Variants in NCK2 observed in about 807,000 individuals in gnomAD.
The protein encoded by NCK2 is NCK adaptor protein 2.
NCK2 carries 16 observed loss-of-function variants against 33.9 expected under a neutral mutation model. That is an observed-to-expected ratio of 0.47 (90% confidence interval 0.32 to 0.72). The LOEUF (loss-of-function observed/expected upper bound fraction) is 0.72. Ranked by LOEUF, NCK2 falls within the 30% of genes least tolerant of loss-of-function variation. The probability of loss-of-function intolerance (pLI) is 0.03; values close to 1 mark genes in which losing one functional copy is unlikely to be tolerated. For missense variants in NCK2, 418 were observed against 537.3 expected (o/e 0.78, Z 2.19); for synonymous variants, 273 against 239.9 (o/e 1.14, Z -1.27).
At chr2:105,855,871 CT>C (rs1241338221) in intron 3 of NCK2, 14 of 133,280 alleles carry the variant, frequency 1.1e-4, no homozygotes, top group African/African-American at 3.5e-4. Flanking sequence ...GTCTCACACT[CT>C]TGCCCAGGCT....
At chr2:105,834,022 T>A (rs1489728615) in intron 2 of NCK2, among the ~76,000 whole-genome samples, 2 of 152,246 alleles carry the variant, frequency 1.3e-5, no homozygotes, top group African/African-American at 4.8e-5. Flanking sequence ...TGACTTTGAT[T>A]TATAAAAATT....
chr2:105,797,927 T>G (rs992628260), intron 1 of NCK2, among the ~76,000 whole-genome samples: 1 of 152,192 alleles, frequency 6.6e-6, no homozygotes, highest in Admixed American at 6.5e-5. Flanking sequence ...CAGCAGATCT[T>G]TAAGTGTTTA....
At chr2:105,820,305 C>A (rs1675676294) in intron 2 of NCK2, among the ~76,000 whole-genome samples, 1 of 152,178 alleles carries the variant, frequency 6.6e-6, no homozygotes, top group Non-Finnish European at 1.5e-5. Flanking sequence ...CTCGGTCAGC[C>A]ATACACTTCG....
At chr2:105,765,786 G>GGTGTGT (rs56917992) in intron 1 of NCK2, among the ~76,000 whole-genome samples, 127 of 147,338 alleles carry the variant, frequency 8.6e-4, no homozygotes, top group East Asian at 5.7e-3. Flanking sequence ...TAGAATAGGG[G>GGTGTGT]GTGTGTGTGT....
chr2:105,793,373 G>A (rs1410119617), intron 1 of NCK2, among the ~76,000 whole-genome samples: 2 of 152,160 alleles, frequency 1.3e-5, no homozygotes, highest in South Asian at 2.1e-4. Context: ...TGAAGTTAAA[G>A]GTTCTTCAGA....
At chr2:105,880,285 A>AT (rs756617702) in intron 3 of NCK2, among the ~76,000 whole-genome samples, 5 of 152,204 alleles carry the variant, frequency 3.3e-5, no homozygotes, top group South Asian at 2.1e-4. Flanking sequence ...CATTAAAGTG[A>AT]TTTTTTATGA....
intron 1 of NCK2, among the ~76,000 whole-genome samples, chr2:105,751,483 A>G (rs1275670126): frequency 3.9e-5 from 6 of 152,276 alleles, no homozygotes; most frequent in African/African-American, 1.2e-4. Flanking sequence ...CATGGCAGTC[A>G]TGGGCTTGCA....
At chr2:105,757,316 C>G (rs1309766950) in intron 1 of NCK2, among the ~76,000 whole-genome samples, 1 of 152,142 alleles carries the variant, frequency 6.6e-6, no homozygotes, top group Non-Finnish European at 1.5e-5. Context: ...CCCCAACTTT[C>G]GCTGTGTTAA....
chr2:105,837,540 A>G (rs1676478112), intron 2 of NCK2, among the ~76,000 whole-genome samples: 1 of 151,940 alleles, frequency 6.6e-6, no homozygotes, highest in Admixed American at 6.5e-5. Flanking sequence ...CTCTTCTTTA[A>G]CTGTCATAAG....
intron 3 of NCK2, among the ~76,000 whole-genome samples, chr2:105,871,627 C>T (rs1678014495): frequency 6.6e-6 from 1 of 152,008 alleles, no homozygotes; most frequent in African/African-American, 2.4e-5. Context: ...TCCCCAGTGG[C>T]TATCATAGGC....
At chr2:105,813,856 G>C (rs1054817793) in intron 1 of NCK2, among the ~76,000 whole-genome samples, 2 of 152,156 alleles carry the variant, frequency 1.3e-5, no homozygotes, top group African/African-American at 2.4e-5. Flanking sequence ...GAAGAGATAC[G>C]TACGGTATCA....
chr2:105,841,536 T>C (rs1676645948), intron 2 of NCK2, among the ~76,000 whole-genome samples: 1 of 152,190 alleles, frequency 6.6e-6, no homozygotes, highest in Non-Finnish European at 1.5e-5. Flanking sequence ...TTTTTGGGTT[T>C]TTATGGAAGC....
At chr2:105,857,933 T>C (rs138278396) in intron 3 of NCK2, among the ~76,000 whole-genome samples, 53 of 152,326 alleles carry the variant, frequency 3.5e-4, no homozygotes, top group African/African-American at 1.2e-3. Flanking sequence ...GCAAAGCTTA[T>C]AGATGTGGCG....
At chr2:105,850,234 A>G (rs1419002875) in intron 2 of NCK2, among the ~76,000 whole-genome samples, 2 of 152,114 alleles carry the variant, frequency 1.3e-5, no homozygotes, top group Non-Finnish European at 2.9e-5. Context: ...CTCTATGACC[A>G]TTTTTTAATG....
At chr2:105,782,136 C>G (rs746216795) in intron 1 of NCK2, among the ~76,000 whole-genome samples, 2 of 152,296 alleles carry the variant, frequency 1.3e-5, no homozygotes, top group South Asian at 4.1e-4. Flanking sequence ...TTTGGGCTTC[C>G]GCGAGAGTGG....
rs144223041 is a variant in NCK2 at position 105,863,701 on chromosome 2, T to C, written c.226+8412T>C. 5.4e-4 allele frequency among the ~76,000 whole-genome samples: 83 copies of C among 152,294 alleles called. 1 individual carries two copies. In the East Asian group the frequency reaches 0.016, roughly 29 times the overall value. ...CCAATGGGAAACTAGGGCTGAGTTA[T>C]GCAGCTCGGGCACCTGTGCTTTCAG... On this transcript the variant is annotated intron_variant, in intron 3 of 4. Coordinates refer to ENST00000233154, the MANE Select transcript of NCK2 (RefSeq NM_003581.5).
At chr2:105,854,292 G>A (rs1291541198) in intron 2 of NCK2, among the ~76,000 whole-genome samples, 1 of 152,080 alleles carries the variant, frequency 6.6e-6, no homozygotes, top group African/African-American at 2.4e-5. Context: ...TTCCAAATTT[G>A]AGCAATTATG....
At chr2:105,752,285 T>C (rs964606279) in intron 1 of NCK2, among the ~76,000 whole-genome samples, 2 of 152,242 alleles carry the variant, frequency 1.3e-5, no homozygotes, top group African/African-American at 2.4e-5. Context: ...ATTATTATTA[T>C]GCTTTACTGG....
At chr2:105,806,999 A>T (rs894777383) in intron 1 of NCK2, among the ~76,000 whole-genome samples, 2 of 152,142 alleles carry the variant, frequency 1.3e-5, no homozygotes, top group Non-Finnish European at 2.9e-5. Flanking sequence ...AAGACATCCT[A>T]TCCCACACCC....
Sources: gnomAD v4.1 joint callset for allele counts (sites outside exome capture counted in the v4.1 genomes callset) on GRCh38, gnomAD v4.1.1 for gene constraint, MANE v1.5 for transcripts, NCBI Gene and HGNC (gene_info 2026-07-23, HGNC 2026-07-21) for gene names.